The following MAPK10 variants were observed in gnomAD, a reference collection of about 807,000 sequenced individuals.
MAPK10 encodes JNK3 alpha protein kinase.
MAPK10 carries 25 observed loss-of-function variants against 59.3 expected under a neutral mutation model. That is an observed-to-expected ratio of 0.42 (90% CI 0.31 to 0.59). The LOEUF is 0.59. Ranked by LOEUF, MAPK10 falls within the 20% of genes least tolerant of loss-of-function variation. The pLI is 0.15. For missense variants in MAPK10, 351 were observed against 568.9 expected (o/e 0.62, Z 3.90); for synonymous variants, 190 against 200.5 (o/e 0.95, Z 0.44).
chr4:86,310,671 T>C (rs1424505773), intron 2 of MAPK10, among the ~76,000 whole-genome samples: 1 of 152,294 alleles, frequency 6.6e-6, no homozygotes, highest in East Asian at 1.9e-4. Flanking sequence ...CCTATTGAAA[T>C]GCTTTCACCT....
At chr4:86,531,310 G>A (rs1343350465) in intron 1 of MAPK10, among the ~76,000 whole-genome samples, 1 of 152,158 alleles carries the variant, frequency 6.6e-6, no homozygotes, top group East Asian at 1.9e-4. Flanking sequence ...TCACGCTGAG[G>A]ATACATTCAC....
intron 1 of MAPK10, among the ~76,000 whole-genome samples, chr4:86,523,864 C>T (rs189929407): frequency 9.8e-4 from 150 of 152,306 alleles, no homozygotes; most frequent in South Asian, 2.7e-3. Context: ...TCTCTATCTA[C>T]GCTTGGCTTA....
At chr4:86,133,021 A>T (rs547481596) in intron 4 of MAPK10, among the ~76,000 whole-genome samples, 1 of 152,354 alleles carries the variant, frequency 6.6e-6, no homozygotes, top group Admixed American at 6.5e-5. Context: ...TCTTCCACGA[A>T]ATCGGTCCCT....
In MAPK10 at chr4:86,171,252, C is replaced by G. The variant is rs59850912; in HGVS notation, c.67-11785G>C. 4.6e-3 allele frequency among the ~76,000 whole-genome samples: 700 copies of G among 151,964 alleles called. 5 individuals are homozygous for G. The highest frequency in any genetic ancestry group is 0.016 in the African/African-American group (660 of 41,422). ...AGCAGAACTGAAGGAAATAGAGACA[C>G]AAAAAACCCTTCAAAAAATTAATGA... On this transcript the variant is annotated intron_variant, in intron 3 of 13. Coordinates refer to ENST00000641462, the MANE Select transcript of MAPK10 (RefSeq NM_138982.4).
At chr4:86,063,307 A>G (rs765967298) in intron 11 of MAPK10, among the ~76,000 whole-genome samples, 2 of 152,240 alleles carry the variant, frequency 1.3e-5, no homozygotes, top group African/African-American at 2.4e-5. Flanking sequence ...AAAGAAAGTG[A>G]AAATATCTTT....
intron 2 of MAPK10, among the ~76,000 whole-genome samples, chr4:86,306,501 T>A (rs1259225025): frequency 6.6e-6 from 1 of 152,226 alleles, no homozygotes; most frequent in East Asian, 1.9e-4. Context: ...ATGTGTTCAC[T>A]CAAAACTACT....
At chr4:86,162,113 A>AAAAAAGAT in intron 3 of MAPK10, among the ~76,000 whole-genome samples, 1 of 152,018 alleles carries the variant, frequency 6.6e-6, no homozygotes, top group African/African-American at 2.4e-5. Context: ...AATATAACCA[A>AAAAAAGAT]AAAAAGATAA....
At chr4:86,019,239 A>G (rs942922869) in intron 13 of MAPK10, among the ~76,000 whole-genome samples, 1 of 152,096 alleles carries the variant, frequency 6.6e-6, no homozygotes, top group Non-Finnish European at 1.5e-5. Context: ...CCTGGTCGTG[A>G]TCTTTTAATA....
At chr4:86,101,573 G>C (rs1200420788) in intron 7 of MAPK10, 1 of 399,026 alleles carries the variant, frequency 2.5e-6, no homozygotes, top group African/African-American at 2.0e-5. Flanking sequence ...CAGGGAAGCT[G>C]TCTTTATGCT....
At chr4:86,410,857 A>G (rs1256837133) in intron 1 of MAPK10, among the ~76,000 whole-genome samples, 2 of 151,904 alleles carry the variant, frequency 1.3e-5, no homozygotes, top group Non-Finnish European at 2.9e-5. Context: ...CAGCTCCTGG[A>G]TTCATTGATT....
chr4:86,569,168 C>T (rs1237026275), intron 1 of MAPK10, among the ~76,000 whole-genome samples: 4 of 152,054 alleles, frequency 2.6e-5, no homozygotes, highest in Admixed American at 2.6e-4. Context: ...CAAAAAAAGA[C>T]ATACAAGCGG....
At chr4:86,044,244 T>A (rs1473050392) in intron 11 of MAPK10, among the ~76,000 whole-genome samples, 1 of 152,288 alleles carries the variant, frequency 6.6e-6, no homozygotes, top group East Asian at 1.9e-4. Context: ...TGTGCATATT[T>A]ATCATTTTCA....
intron 2 of MAPK10, among the ~76,000 whole-genome samples, chr4:86,198,302 C>A (rs61329348): frequency 0.017 from 2,610 of 152,142 alleles, 98 homozygotes; most frequent in African/African-American, 0.058. Flanking sequence ...GATTTGGGTT[C>A]CCTTAGCTTG....
At chr4:86,135,994 A>G (rs1272040162) in intron 4 of MAPK10, among the ~76,000 whole-genome samples, 2 of 152,182 alleles carry the variant, frequency 1.3e-5, no homozygotes, top group Non-Finnish European at 2.9e-5. Flanking sequence ...AAAAAAGAAT[A>G]AAAAGAAATG....
intron 11 of MAPK10, among the ~76,000 whole-genome samples, chr4:86,042,778 G>A (rs1307413008): frequency 1.3e-5 from 2 of 151,380 alleles, no homozygotes; most frequent in African/African-American, 2.4e-5. Flanking sequence ...AAAAAAAGAG[G>A]GGAAGAAATG....
At chr4:86,585,038 T>C (rs1325493074) in intron 1 of MAPK10, among the ~76,000 whole-genome samples, 1 of 152,170 alleles carries the variant, frequency 6.6e-6, no homozygotes, top group Non-Finnish European at 1.5e-5. Flanking sequence ...TTAAGAGAAC[T>C]GGACCGGAGA....
At chr4:86,305,046 A>G (rs1190948274) in intron 2 of MAPK10, among the ~76,000 whole-genome samples, 1 of 152,218 alleles carries the variant, frequency 6.6e-6, no homozygotes, top group African/African-American at 2.4e-5. Context: ...TTAAAATACT[A>G]GTAATACCAA....
chr4:86,448,602 T>A (rs1227114424), intron 1 of MAPK10, among the ~76,000 whole-genome samples: 1 of 152,190 alleles, frequency 6.6e-6, no homozygotes, highest in Non-Finnish European at 1.5e-5. Context: ...GTTTTATTAC[T>A]ATTATAAAAG....
At chr4:86,452,751 C>T (rs1021297135) in intron 1 of MAPK10, among the ~76,000 whole-genome samples, 4 of 152,144 alleles carry the variant, frequency 2.6e-5, no homozygotes, top group Middle Eastern at 3.4e-3. Context: ...TCATGGCGGA[C>T]GGGAGGCAGG....
Sources: allele counts gnomAD v4.1 joint callset (sites outside exome capture counted in the v4.1 genomes callset), GRCh38; gene constraint gnomAD v4.1.1; transcripts MANE v1.5; gene names NCBI Gene and HGNC (gene_info 2026-07-23, HGNC 2026-07-21).